The following NAV2 variants were observed in gnomAD, a reference collection of about 807,000 sequenced individuals.
NAV2 encodes helicase, APC down-regulated 1.
Under a neutral mutation model 223.2 loss-of-function variants are expected in NAV2, and 54 were observed. That is an observed-to-expected ratio of 0.24 (90% confidence interval 0.19 to 0.30). NAV2 has a LOEUF of 0.30. NAV2 is among the 10% of genes least tolerant of loss of function. The pLI is 1.00. For synonymous variants in NAV2, 1,279 were observed against 1,239.3 expected (o/e 1.03, Z -0.67); for missense variants, 2,806 against 3,147.5 (o/e 0.89, Z 2.60).
chr11:20,121,110 T>C lies in NAV2; in HGVS notation c.*2852T>C, dbSNP rs539663990. On this transcript the variant is annotated 3_prime_UTR_variant, in exon 38 of 38. Coordinates refer to ENST00000349880, the MANE Select transcript of NAV2 (RefSeq NM_145117.5). ...GATCTTTGTTGTATCTTGGGGACTT[T>C]TACTTTGTTGTTTGATGCTTAAACT... 1 of 152,598 alleles carries C rather than the reference T, an allele frequency of 6.6e-6. No homozygotes were observed. Among genetic ancestry groups the C allele is most frequent in the South Asian group, 2.1e-4 (1 of 4,828 alleles). The allele number at this position is 152,598 out of a possible 1,614,324, so 9.5% of individuals were successfully genotyped here.
chr11:19,676,281 G>A (rs2048708147), intron 1 of NAV2, among the ~76,000 whole-genome samples: 1 of 152,142 alleles, frequency 6.6e-6, no homozygotes, highest in Non-Finnish European at 1.5e-5. Flanking sequence ...TGGAGATCTT[G>A]GGTTCATAAC....
At chr11:19,486,787 A>C (rs2042460026) in intron 1 of NAV2, among the ~76,000 whole-genome samples, 1 of 152,210 alleles carries the variant, frequency 6.6e-6, no homozygotes, top group Non-Finnish European at 1.5e-5. Context: ...GACTCAGCTC[A>C]GGCATCATCT....
At chr11:19,510,437 A>G (rs1291586631) in intron 1 of NAV2, among the ~76,000 whole-genome samples, 1 of 152,216 alleles carries the variant, frequency 6.6e-6, no homozygotes, top group Admixed American at 6.5e-5. Context: ...CCATGACAGC[A>G]TTAATCACAG....
chr11:19,814,485 C>G (rs1239995088), intron 1 of NAV2, among the ~76,000 whole-genome samples: 1 of 152,188 alleles, frequency 6.6e-6, no homozygotes, highest in African/African-American at 2.4e-5. Context: ...TGGGAGCATG[C>G]ATTCACAGAG....
At chr11:19,464,658 A>G (rs1294530770) in intron 1 of NAV2, among the ~76,000 whole-genome samples, 1 of 152,208 alleles carries the variant, frequency 6.6e-6, no homozygotes, top group East Asian at 1.9e-4. Flanking sequence ...AGGGATTTCA[A>G]TCAGCAAATT....
chr11:20,076,540 A>T (rs911535924), intron 22 of NAV2, among the ~76,000 whole-genome samples: 2 of 152,228 alleles, frequency 1.3e-5, no homozygotes, highest in Non-Finnish European at 2.9e-5. Context: ...CTATTGCTGG[A>T]AATTCCTTAG....
chr11:19,536,426 T>A (rs912852370), intron 1 of NAV2, among the ~76,000 whole-genome samples: 1 of 152,146 alleles, frequency 6.6e-6, no homozygotes, highest in Non-Finnish European at 1.5e-5. Flanking sequence ...CTGATTGTGG[T>A]CCAGGGACCA....
At chr11:19,527,654 C>T (rs2043885062) in intron 1 of NAV2, among the ~76,000 whole-genome samples, 1 of 151,228 alleles carries the variant, frequency 6.6e-6, no homozygotes, top group African/African-American at 2.4e-5. Context: ...TCTCCGCATC[C>T]AGCACTCTCT....
intron 1 of NAV2, among the ~76,000 whole-genome samples, chr11:19,725,260 A>G (rs1405386650): frequency 6.6e-6 from 1 of 152,218 alleles, no homozygotes; most frequent in Non-Finnish European, 1.5e-5. Flanking sequence ...TGGAGGCGCC[A>G]GGTCTGAATC....
In NAV2 at chr11:19,817,517, C is replaced by T. The variant is rs74576181; in HGVS notation, c.268-14967C>T. On this transcript the variant is annotated intron_variant, in intron 1 of 37. Transcript: ENST00000349880. ...AACACCTGGAGCGGGGCTTTTGGGA[C>T]GCCTCAGTGGGTGATGAGGTCCGAG... Among the ~76,000 whole-genome samples the T allele has an allele frequency of 4.0e-3, 605 of 152,080 alleles. 3 individuals are homozygous for T. The highest frequency in any genetic ancestry group is 0.014 in the African/African-American group (567 of 41,494).
At chr11:19,617,497 C>A (rs1267809406) in intron 1 of NAV2, among the ~76,000 whole-genome samples, 1 of 152,216 alleles carries the variant, frequency 6.6e-6, no homozygotes, top group Non-Finnish European at 1.5e-5. Context: ...AGGACAGACA[C>A]AGGCCTGCCT....
In NAV2 at chr11:19,931,209, T is replaced by C. The variant is rs141956843; in HGVS notation, c.932-1967T>C. Among the ~76,000 whole-genome samples, 496 of 152,246 alleles carry C rather than the reference T, an allele frequency of 3.3e-3. 2 individuals are homozygous for C. Among genetic ancestry groups the C allele is most frequent in the African/African-American group, 0.011 (477 of 41,558 alleles). On this transcript the variant is annotated intron_variant, in intron 6 of 37. Transcript: ENST00000349880. ...CAGCGTCAAGCCTGTAGCAACCCTC[T>C]AACAGGCCAGCAGTGTGGGTGGGTT...
chr11:19,796,663 G>C (rs757219587), intron 1 of NAV2, among the ~76,000 whole-genome samples: 13 of 152,154 alleles, frequency 8.5e-5, no homozygotes, highest in Non-Finnish European at 1.6e-4. Flanking sequence ...CTCTGTGGAG[G>C]GAAGGCTGGT....
intron 1 of NAV2, among the ~76,000 whole-genome samples, chr11:19,742,575 C>G (rs1222842126): frequency 6.6e-6 from 1 of 152,144 alleles, no homozygotes; most frequent in Non-Finnish European, 1.5e-5. Flanking sequence ...CAGTTCATGC[C>G]TCCTTGTTCT....
intron 1 of NAV2, among the ~76,000 whole-genome samples, chr11:19,693,114 A>G (rs1203202753): frequency 6.6e-6 from 1 of 152,170 alleles, no homozygotes; most frequent in African/African-American, 2.4e-5. Flanking sequence ...GTATTTTCAG[A>G]TTAATCTTGT....
chr11:20,037,096 T>A (rs2056443685), intron 12 of NAV2, among the ~76,000 whole-genome samples: 1 of 152,158 alleles, frequency 6.6e-6, no homozygotes. Context: ...TGTGGTGGCA[T>A]TGGCGTCGTA....
At position 19,956,990 on chromosome 11, in the gene NAV2, G is replaced by C. The variant is rs545712502; in HGVS notation, c.2645+7910G>C. Among the ~76,000 whole-genome samples, 3 of 152,266 alleles carry C rather than the reference G, an allele frequency of 2.0e-5. No individual in the cohort carries two copies. The South Asian group carries it at 6.2e-4, about 32-fold the overall frequency. ...GGGTTTGCTATGAATAACAAAAGAT[G>C]CTCCTCTTACCCCTATCAAGAAATT... On this transcript the variant is annotated intron_variant, in intron 10 of 37. Transcript: ENST00000349880.
chr11:19,389,665 G>T (rs886594281), intron 1 of NAV2, among the ~76,000 whole-genome samples: 10 of 152,148 alleles, frequency 6.6e-5, no homozygotes, highest in African/African-American at 2.4e-4. Flanking sequence ...GTGAATGGTC[G>T]GTGCAGTGTA....
intron 6 of NAV2, among the ~76,000 whole-genome samples, chr11:19,929,774 G>A (rs1201647191): frequency 6.6e-6 from 1 of 152,248 alleles, no homozygotes; most frequent in East Asian, 1.9e-4. Flanking sequence ...CAATTCATAA[G>A]TATCTTTATG....
Sources: allele counts gnomAD v4.1 joint callset (sites outside exome capture counted in the v4.1 genomes callset), GRCh38; gene constraint gnomAD v4.1.1; transcripts MANE v1.5; gene names NCBI Gene and HGNC (gene_info 2026-07-23, HGNC 2026-07-21).